Variants in HOOK3 observed in about 807,000 individuals in gnomAD.
HOOK3 encodes protein Hook homolog 3.
In HOOK3, 24 loss-of-function variants were observed where a neutral mutation model predicts 116.3. The observed-to-expected ratio is 0.21, with a 90% CI of 0.15 to 0.29. HOOK3 has a LOEUF of 0.29. Among genes scored for constraint, HOOK3 ranks in the 10% least tolerant of loss-of-function variants. The pLI, the probability that HOOK3 is intolerant of heterozygous loss-of-function variation, is 1.00. For synonymous variants in HOOK3, 275 were observed against 283.0 expected (o/e 0.97, Z 0.28); for missense variants, 632 against 830.2 (o/e 0.76, Z 2.93).
chr8:43,005,843 C>T (rs1272771001), intron 17 of HOOK3, among the ~76,000 whole-genome samples: 1 of 149,478 alleles, frequency 6.7e-6, no homozygotes, highest in East Asian at 2.0e-4. Flanking sequence ...TTACAGGCCC[C>T]CCCCCACCAC....
chr8:43,005,768 CTCACT>C (rs1809473134), intron 17 of HOOK3, among the ~76,000 whole-genome samples: 1 of 151,742 alleles, frequency 6.6e-6, no homozygotes, highest in African/African-American at 2.4e-5. Context: ...ATGATCTCGG[CTCACT>C]TCAACCTCTG....
chr8:42,913,447 G>T (rs961742623), intron 2 of HOOK3, among the ~76,000 whole-genome samples: 1 of 152,112 alleles, frequency 6.6e-6, no homozygotes, highest in Non-Finnish European at 1.5e-5. Flanking sequence ...CATTCATGTT[G>T]TTATCTGTAT....
chr8:42,920,377 C>T (rs1807633526), intron 2 of HOOK3, among the ~76,000 whole-genome samples: 1 of 152,182 alleles, frequency 6.6e-6, no homozygotes, highest in Non-Finnish European at 1.5e-5. Context: ...GCGTATATGG[C>T]TTCAAAGTTT....
chr8:42,943,472 A>G (rs1002174189), intron 5 of HOOK3, 27 bp downstream of exon 5: 2 of 1,384,708 alleles, frequency 1.4e-6, no homozygotes, highest in Non-Finnish European at 1.9e-6. Context: ...TAGTGTTTGC[A>G]TTTAAAATAA....
intron 4 of HOOK3, among the ~76,000 whole-genome samples, chr8:42,933,498 A>C (rs911897519): frequency 2.0e-5 from 3 of 152,248 alleles, no homozygotes; most frequent in Non-Finnish European, 4.4e-5. Flanking sequence ...TATTCACTCT[A>C]GGATAAACAA....
intron 11 of HOOK3, 92 bp downstream of exon 11, chr8:42,968,306 A>C: frequency 1.1e-6 from 1 of 882,710 alleles, no homozygotes; most frequent in Non-Finnish European, 1.8e-6. Flanking sequence ...TTTTCATGGT[A>C]TTCTGTTTTT....
chr8:43,001,123 T>G (rs1809372678), intron 16 of HOOK3: 1 of 151,980 alleles, frequency 6.6e-6, no homozygotes, highest in Non-Finnish European at 1.5e-5. Context: ...TTTTAATTTT[T>G]TATAAAACAA....
At chr8:42,946,327 G>A (rs1241899145) in intron 5 of HOOK3, among the ~76,000 whole-genome samples, 4 of 152,128 alleles carry the variant, frequency 2.6e-5, no homozygotes, top group African/African-American at 4.8e-5. Flanking sequence ...AAGACAATGG[G>A]TTAAGAGTAA....
chr8:42,925,722 A>G, intron 3 of HOOK3, 93 bp downstream of exon 3: 3 of 779,620 alleles, frequency 3.8e-6, no homozygotes, highest in Non-Finnish European at 6.3e-6. Context: ...AGTGAGCTTT[A>G]GAAGCTTAGG....
chr8:42,980,797 T>G (rs977352156), intron 13 of HOOK3, among the ~76,000 whole-genome samples: 11 of 151,796 alleles, frequency 7.2e-5, no homozygotes, highest in Admixed American at 3.3e-4. Flanking sequence ...GGCAGGAGAA[T>G]CACTTGAACC....
At chr8:42,934,049 A>C (rs1240695044) in intron 4 of HOOK3, among the ~76,000 whole-genome samples, 6 of 151,602 alleles carry the variant, frequency 4.0e-5, no homozygotes, top group Non-Finnish European at 8.8e-5. Context: ...TCTTATTATT[A>C]TTTATTTTAT....
At chr8:42,974,960 C>A (rs1323123881) in intron 13 of HOOK3, among the ~76,000 whole-genome samples, 3 of 152,158 alleles carry the variant, frequency 2.0e-5, no homozygotes, top group African/African-American at 7.2e-5. Context: ...AATTGCAGGG[C>A]CTGGCTACTG....
chr8:42,990,648 T>C (rs71523505), intron 15 of HOOK3, among the ~76,000 whole-genome samples: 1 of 152,032 alleles, frequency 6.6e-6, no homozygotes, highest in Non-Finnish European at 1.5e-5. Flanking sequence ...GCTCTCCTTG[T>C]GCCTATTTTT....
chr8:42,925,530 A>T (rs763289021), intron 2 of HOOK3, 27 bp from the exon 3 acceptor site: 7 of 1,479,200 alleles, frequency 4.7e-6, no homozygotes, highest in Non-Finnish European at 5.6e-6. Flanking sequence ...CATGATTTTA[A>T]TATGTAAGCT....
intron 8 of HOOK3, among the ~76,000 whole-genome samples, chr8:42,961,722 C>G (rs533303904): frequency 1.3e-5 from 2 of 152,294 alleles, no homozygotes; most frequent in South Asian, 4.1e-4. Context: ...GGGAAAACTC[C>G]ATAGGAAACT....
At chr8:42,930,263 A>G in intron 4 of HOOK3, 91 bp downstream of exon 4, 1 of 1,122,644 alleles carries the variant, frequency 8.9e-7, no homozygotes, top group Non-Finnish European at 1.2e-6. Context: ...ATTGCTTTCA[A>G]AATTAATAAT....
intron 2 of HOOK3, among the ~76,000 whole-genome samples, chr8:42,910,981 G>T (rs1420988911): frequency 2.0e-5 from 3 of 152,200 alleles, no homozygotes; most frequent in Non-Finnish European, 4.4e-5. Context: ...AAAAGTCACA[G>T]ATTTCTTCAC....
intron 2 of HOOK3, among the ~76,000 whole-genome samples, chr8:42,924,777 G>C (rs955135239): frequency 3.9e-5 from 6 of 151,960 alleles, no homozygotes; most frequent in East Asian, 1.9e-4. Context: ...GTTGAAGACC[G>C]GCCTGGCCAA....
intron 15 of HOOK3, among the ~76,000 whole-genome samples, chr8:42,989,527 A>C (rs909672619): frequency 6.6e-6 from 1 of 152,206 alleles, no homozygotes; most frequent in Non-Finnish European, 1.5e-5. Flanking sequence ...AGTTTGATAC[A>C]GGCATGCAGT....
Sources: allele counts gnomAD v4.1 joint callset (sites outside exome capture counted in the v4.1 genomes callset), GRCh38; gene constraint gnomAD v4.1.1; transcripts MANE v1.5; gene names NCBI Gene and HGNC (gene_info 2026-07-23, HGNC 2026-07-21).